The following RTN1 variants were observed in gnomAD, a reference collection of about 807,000 sequenced individuals.
RTN1 encodes reticulon-1.
A neutral mutation model predicts 65.5 loss-of-function variants in RTN1; 25 were observed. The observed-to-expected ratio is 0.38, with a 90% CI of 0.28 to 0.53. The LOEUF (loss-of-function observed/expected upper bound fraction) is 0.53. Ranked by LOEUF, RTN1 falls within the 20% of genes least tolerant of loss-of-function variation. The probability of loss-of-function intolerance (pLI) is 0.79; values close to 1 mark genes in which losing one functional copy is unlikely to be tolerated. For missense variants in RTN1, 983 were observed against 1,025.4 expected, an observed-to-expected ratio of 0.96 and a Z score of 0.57; for synonymous variants, 471 against 447.6, an observed-to-expected ratio of 1.05 and a Z score of -0.66.
At chr14:59,753,818 C>G (rs1320905563) in intron 1 of RTN1, among the ~76,000 whole-genome samples, 1 of 152,208 alleles carries the variant, frequency 6.6e-6, no homozygotes, top group African/African-American at 2.4e-5. Flanking sequence ...TACAAATCCA[C>G]TAAATTAAAG....
At chr14:59,674,497 A>T (rs1883578755) in intron 3 of RTN1, among the ~76,000 whole-genome samples, 1 of 152,220 alleles carries the variant, frequency 6.6e-6, no homozygotes, top group East Asian at 1.9e-4. Context: ...GGAGTTGGAG[A>T]GATGAAAAGA....
At chr14:59,602,625 A>C (rs1881615200) in intron 8 of RTN1, among the ~76,000 whole-genome samples, 2 of 152,190 alleles carry the variant, frequency 1.3e-5, no homozygotes, top group Admixed American at 1.3e-4. Context: ...AAGTTCTAAA[A>C]ATAATTCAAA....
At chr14:59,660,780 C>T (rs568313751) in intron 3 of RTN1, among the ~76,000 whole-genome samples, 2 of 151,842 alleles carry the variant, frequency 1.3e-5, no homozygotes, top group Admixed American at 6.6e-5. Flanking sequence ...AAAAAAGAAA[C>T]CAGGAAAGAC....
chr14:59,751,971 C>T (rs930148674), intron 1 of RTN1, among the ~76,000 whole-genome samples: 2 of 152,224 alleles, frequency 1.3e-5, no homozygotes, highest in Non-Finnish European at 2.9e-5. Flanking sequence ...CACAGTCTCA[C>T]ACTCACTTGA....
intron 3 of RTN1, among the ~76,000 whole-genome samples, chr14:59,639,243 A>C (rs894935786): frequency 1.3e-5 from 2 of 152,244 alleles, no homozygotes; most frequent in African/African-American, 4.8e-5. Context: ...AGTAATATCA[A>C]GATCACTGAT....
intron 1 of RTN1, among the ~76,000 whole-genome samples, chr14:59,811,787 G>A (rs1314059995): frequency 1.3e-5 from 2 of 152,156 alleles, no homozygotes; most frequent in Non-Finnish European, 2.9e-5. Context: ...ATCTGTTTTA[G>A]TGATAAAATA....
chr14:59,852,128 G>C (rs539333390), intron 1 of RTN1, among the ~76,000 whole-genome samples: 1 of 152,112 alleles, frequency 6.6e-6, no homozygotes, highest in East Asian at 1.9e-4. Context: ...TAAAAGGTTT[G>C]CTAAACAAAT....
At chr14:59,697,326 C>A (rs1266292479) in intron 3 of RTN1, among the ~76,000 whole-genome samples, 1 of 152,146 alleles carries the variant, frequency 6.6e-6, no homozygotes, top group East Asian at 1.9e-4. Flanking sequence ...ATGTCTTTCT[C>A]CCACTGTAGA....
intron 3 of RTN1, among the ~76,000 whole-genome samples, chr14:59,645,197 A>T (rs904094364): frequency 6.9e-6 from 1 of 145,116 alleles, no homozygotes; most frequent in Admixed American, 6.8e-5. Flanking sequence ...CTGGCAACAG[A>T]TCCATACCTC....
intron 3 of RTN1, chr14:59,630,389 C>T (rs540663951): frequency 5.0e-5 from 80 of 1,609,988 alleles, no homozygotes; most frequent in Non-Finnish European, 6.5e-5. Context: ...ATGGACGAGT[C>T]CAGGTCCCGG....
chr14:59,696,718 C>T (rs1324205467), intron 3 of RTN1, among the ~76,000 whole-genome samples: 1 of 152,146 alleles, frequency 6.6e-6, no homozygotes, highest in Non-Finnish European at 1.5e-5. Context: ...TGTAACCTAG[C>T]TGTTGATGGA....
At chr14:59,864,613 C>T (rs1887766800) in intron 1 of RTN1, among the ~76,000 whole-genome samples, 1 of 151,516 alleles carries the variant, frequency 6.6e-6, no homozygotes. Context: ...TACTATAATC[C>T]TCAGTGCTTA....
intron 8 of RTN1, among the ~76,000 whole-genome samples, chr14:59,597,462 G>A (rs1308914508): frequency 6.6e-6 from 1 of 152,244 alleles, no homozygotes; most frequent in Non-Finnish European, 1.5e-5. Flanking sequence ...TACACTGGAA[G>A]TGTTTTGTTA....
chr14:59,774,580 C>T lies in RTN1; in HGVS notation c.242-28099G>A, dbSNP rs1886015779. Among the ~76,000 whole-genome samples the T allele has an allele frequency of 6.7e-6, 1 of 149,556 alleles. No homozygotes were observed. Among genetic ancestry groups the T allele is most frequent in the Non-Finnish European group, 1.5e-5 (1 of 68,016 alleles). ...AGTCCAGTTCTTTAATTTGCTTTCTCCTCCCTAAAAGCCTTAAATAAAAAC... is the reference window on the plus strand; with the variant it reads ...AGTCCAGTTCTTTAATTTGCTTTCTTCTCCCTAAAAGCCTTAAATAAAAAC... On this transcript the variant is annotated intron_variant, in intron 1 of 8. Transcript: ENST00000267484. The surrounding 1 kb of genome is among the most constrained non-coding windows in gnomAD (Gnocchi z 5.1).
At chr14:59,764,973 G>C (rs564645983) in intron 1 of RTN1, among the ~76,000 whole-genome samples, 1 of 152,258 alleles carries the variant, frequency 6.6e-6, no homozygotes, top group African/African-American at 2.4e-5. Context: ...CTGCTGCTAT[G>C]AACATCTTTT....
rs1881529569 is a variant in RTN1 at position 59,599,987 on chromosome 14, T to C, written c.2288+3078A>G. Among the ~76,000 whole-genome samples, 4 of 152,220 alleles carry C rather than the reference T, an allele frequency of 2.6e-5. No individual in the cohort carries two copies. The South Asian group carries it at 6.2e-4, about 24-fold the overall frequency. ...GTATTCACTTAAAGCAGATTTCTTA[T>C]TATGGTCTCACTTACTCGAAGCTTT... is the stretch of plus-strand genomic sequence containing the variant. On this transcript the variant is annotated intron_variant, in intron 8 of 8. Coordinates refer to ENST00000267484, the MANE Select transcript of RTN1 (RefSeq NM_021136.3).
Position 59,782,657 on chromosome 14 carries a change from AG to A in RTN1, c.242-36177del, listed in dbSNP as rs1594741194. 2.6e-5 allele frequency among the ~76,000 whole-genome samples: 4 copies of A among 152,360 alleles called. 1 individual carries two copies. In the East Asian group the frequency reaches 7.7e-4, roughly 29 times the overall value. ...CAAAATGTAACTAAATGGATAGGGT[AG>A]AACAATGCTTGATAATGATTTTCTA... On this transcript the variant is annotated intron_variant, in intron 1 of 8. Coordinates refer to ENST00000267484, the MANE Select transcript of RTN1 (RefSeq NM_021136.3).
chr14:59,738,797 C>T (rs368088828), intron 2 of RTN1, among the ~76,000 whole-genome samples: 2 of 152,284 alleles, frequency 1.3e-5, no homozygotes, highest in East Asian at 3.9e-4. Flanking sequence ...GTGGTACATA[C>T]ACCATGGAAT....
intron 3 of RTN1, among the ~76,000 whole-genome samples, chr14:59,635,666 T>C (rs186410669): frequency 6.6e-6 from 1 of 152,270 alleles, no homozygotes; most frequent in Admixed American, 6.5e-5. Context: ...AATTAGAATA[T>C]ATAACTTCTA....
Sources: gnomAD v4.1 joint callset for allele counts (sites outside exome capture counted in the v4.1 genomes callset) on GRCh38, gnomAD v4.1.1 for gene constraint, Gnocchi (gnomAD v3.1) non-coding constraint, MANE v1.5 for transcripts, NCBI Gene and HGNC (gene_info 2026-07-23, HGNC 2026-07-21) for gene names.